FMN2: variants seen among roughly 807,000 people sequenced by gnomAD.
FMN2 encodes the protein formin-2.
In FMN2, 51 loss-of-function variants were observed where a neutral mutation model predicts 142.3. That is an observed-to-expected ratio of 0.36 (90% CI 0.29 to 0.45). FMN2 has a LOEUF of 0.45. FMN2 is among the 20% of genes least tolerant of loss of function. The probability of loss-of-function intolerance (pLI) is 1.00; values close to 1 mark genes in which losing one functional copy is unlikely to be tolerated. For missense variants in FMN2, 1,936 were observed against 2,122.8 expected, an observed-to-expected ratio of 0.91 and a Z score of 1.73; for synonymous variants, 882 against 869.8, an observed-to-expected ratio of 1.01 and a Z score of -0.25.
At chr1:240,334,075 T>C in intron 12 of FMN2, 34 bp from the exon 13 acceptor site, 3 of 1,573,340 alleles carry the variant, frequency 1.9e-6, no homozygotes, top group Non-Finnish European at 2.6e-6. Context: ...GATAACCAAT[T>C]TCTTTAAATA....
At chr1:240,417,920 A>G (rs1674631236) in intron 15 of FMN2, among the ~76,000 whole-genome samples, 1 of 152,030 alleles carries the variant, frequency 6.6e-6, no homozygotes. Flanking sequence ...GGTTCTTATC[A>G]TCCTGATGGA....
intron 6 of FMN2, among the ~76,000 whole-genome samples, chr1:240,229,384 T>A (rs1667459856): frequency 6.6e-6 from 1 of 152,096 alleles, no homozygotes; most frequent in East Asian, 1.9e-4. Context: ...TTCTTTCACG[T>A]GCTGTGATGT....
At chr1:240,221,216 C>T (rs537993841) in intron 6 of FMN2, among the ~76,000 whole-genome samples, 6 of 152,112 alleles carry the variant, frequency 3.9e-5, no homozygotes, top group East Asian at 1.9e-4. Context: ...GATTTATAAT[C>T]CTTTGAGTAT....
intron 2 of FMN2, among the ~76,000 whole-genome samples, chr1:240,128,811 T>A (rs2103229205): frequency 6.6e-6 from 1 of 152,296 alleles, no homozygotes. Context: ...CTCTACTCAT[T>A]GTTACCGTAG....
In FMN2 at chr1:240,280,020, C is replaced by T. The variant is rs568848173; in HGVS notation, c.4154-14802C>T. On this transcript the variant is annotated intron_variant, in intron 7 of 17. Coordinates refer to ENST00000319653, the MANE Select transcript of FMN2 (RefSeq NM_020066.5). ...GTTGATTAAGGTGATCTCTGTAGTA[C>T]AGTGGAAGGTATTACCCTAACATGT... Among the ~76,000 whole-genome samples, 64 of 152,128 alleles carry T rather than the reference C, an allele frequency of 4.2e-4. No individual in the cohort carries two copies. The South Asian group carries it at 0.012, about 29-fold the overall frequency.
chr1:240,410,013 T>C (rs1401520265), intron 15 of FMN2, among the ~76,000 whole-genome samples: 2 of 152,144 alleles, frequency 1.3e-5, no homozygotes, highest in Non-Finnish European at 2.9e-5. Context: ...TTAAAGAAAA[T>C]GTCAAAATTC....
At chr1:240,238,794 A>C (rs1667793910) in intron 6 of FMN2, among the ~76,000 whole-genome samples, 1 of 152,188 alleles carries the variant, frequency 6.6e-6, no homozygotes, top group Non-Finnish European at 1.5e-5. Flanking sequence ...AATATCTATC[A>C]ATATTAGATA....
At chr1:240,228,333 GAAA>G (rs1176161325) in intron 6 of FMN2, among the ~76,000 whole-genome samples, 1 of 49,112 alleles carries the variant, frequency 2.0e-5, no homozygotes, top group Non-Finnish European at 3.6e-5. Flanking sequence ...AAAAAAAAAA[GAAA>G]AAGAAAAAGA....
intron 10 of FMN2, 29 bp downstream of exon 10, chr1:240,329,497 T>C (rs766797315): frequency 6.2e-7 from 1 of 1,605,884 alleles, no homozygotes; most frequent in African/African-American, 1.3e-5. Flanking sequence ...AGAGCTGAAC[T>C]TGAGTCTCAT....
intron 14 of FMN2, among the ~76,000 whole-genome samples, chr1:240,374,606 G>A (rs1011419448): frequency 1.3e-4 from 19 of 151,986 alleles, no homozygotes; most frequent in Non-Finnish European, 2.5e-4. Context: ...TAGCTTCCTC[G>A]CCTCTCTTAG....
intron 16 of FMN2, among the ~76,000 whole-genome samples, chr1:240,463,069 C>T (rs1676497987): frequency 6.6e-6 from 1 of 152,154 alleles, no homozygotes; most frequent in Admixed American, 6.5e-5. Flanking sequence ...AGCCAGTCTG[C>T]AAATGGCCTC....
At chr1:240,392,065 T>C (rs771150002) in intron 14 of FMN2, among the ~76,000 whole-genome samples, 1 of 151,870 alleles carries the variant, frequency 6.6e-6, no homozygotes, top group Non-Finnish European at 1.5e-5. Flanking sequence ...TGAAATGAGT[T>C]CAAAATTCTT....
intron 16 of FMN2, among the ~76,000 whole-genome samples, chr1:240,447,411 A>T (rs1480608640): frequency 2.0e-5 from 3 of 152,186 alleles, no homozygotes; most frequent in Admixed American, 1.3e-4. Context: ...AAAAAATGTA[A>T]GTAGAATGGC....
chr1:240,243,150 A>C (rs1290357584), intron 6 of FMN2, among the ~76,000 whole-genome samples: 1 of 152,158 alleles, frequency 6.6e-6, no homozygotes, highest in Non-Finnish European at 1.5e-5. Context: ...ACCAAAAAAC[A>C]AAAAACCCTG....
chr1:240,329,419 G>T lies in FMN2; in HGVS notation c.4388G>T (p.Ser1463Ile), dbSNP rs752388115. 13 of 1,613,930 alleles carry T rather than the reference G, an allele frequency of 8.1e-6. No individual in the cohort carries two copies. Among genetic ancestry groups the T allele is most frequent in the Non-Finnish European group, 1.0e-5 (12 of 1,179,974 alleles). ...CTGTTCCAGTCCACATTTTCAGAAA[G>T]CATTTGCTCAATTCGTCGCAAACTG... ...CILFQSTFSE[S>I]ICSIRRKLEL... The change falls in exon 10 of 18, where the codon AGC (serine) becomes ATC (isoleucine). Residue 1463 changes from serine (S) to isoleucine (I), a missense_variant. This residue lies in a region of FMN2 where 322 missense variants were observed against 401.6 expected (regional missense o/e 0.80). Transcript: ENST00000319653.
rs561532550 is a variant in FMN2, at chr1:240,117,536, T to C, written c.1616-5643T>C. Among the ~76,000 whole-genome samples the C allele has an allele frequency of 3.3e-5, 5 of 152,292 alleles. No individual in the cohort carries two copies. In the East Asian group the frequency reaches 9.7e-4, roughly 29 times the overall value. ...CTGAAGTGTTTGAAGTATGTAATTATAGTGATAGAACATGGAATTTAAGCC... is the reference window on the plus strand; with the variant it reads ...CTGAAGTGTTTGAAGTATGTAATTACAGTGATAGAACATGGAATTTAAGCC... On this transcript the variant is annotated intron_variant, in intron 1 of 17. Coordinates refer to ENST00000319653, the MANE Select transcript of FMN2 (RefSeq NM_020066.5).
Position 240,361,170 on chromosome 1 carries a change from TATATATATATATATAAAA to T in FMN2, c.4858+5263_4858+5280del, listed in dbSNP as rs1558452659. Among the ~76,000 whole-genome samples, 9 of 83,064 alleles carry T rather than the reference TATATATATATATATAAAA, an allele frequency of 1.1e-4. No homozygotes were observed. The East Asian group carries it at 1.6e-3, about 15-fold the overall frequency. The allele number at this position is 83,064 out of a possible 152,430, so 54.5% of individuals were successfully genotyped here. On this transcript the variant is annotated intron_variant, in intron 14 of 17. Transcript: ENST00000319653. ...ATATATATATATATATATATATATA[TATATATATATATATAAAA>T]GAGTTTAAAGAAGGAAAAAAACACG...
chr1:240,412,703 C>T (rs1558478023), intron 15 of FMN2, among the ~76,000 whole-genome samples: 3 of 151,956 alleles, frequency 2.0e-5, no homozygotes. Flanking sequence ...ACTGGAAGAC[C>T]AGACATAGGG....
intron 15 of FMN2, among the ~76,000 whole-genome samples, chr1:240,433,440 A>G (rs1675247897): frequency 6.6e-6 from 1 of 152,222 alleles, no homozygotes; most frequent in South Asian, 2.1e-4. Flanking sequence ...CACAATGATA[A>G]GTGCATTTTA....
Sources: gnomAD v4.1 joint callset for allele counts (sites outside exome capture counted in the v4.1 genomes callset) on GRCh38, gnomAD v4.1.1 for gene constraint, gnomAD v4.1.1 regional missense constraint, MANE v1.5 for transcripts, NCBI Gene and HGNC (gene_info 2026-07-23, HGNC 2026-07-21) for gene names.